The following MSRB3 variants were observed in gnomAD, a reference collection of about 807,000 sequenced individuals.
MSRB3 encodes methionine sulfoxide reductase B3.
MSRB3 carries 13 observed loss-of-function variants against 21.0 expected under a neutral mutation model. The observed-to-expected ratio is 0.62, with a 90% confidence interval of 0.40 to 0.98. The LOEUF (loss-of-function observed/expected upper bound fraction) is 0.98. Ranked by LOEUF, MSRB3 falls within the 50% of genes least tolerant of loss-of-function variation. The pLI is 0.00. For missense variants in MSRB3, 199 were observed against 230.3 expected (o/e 0.86, Z 0.88); for synonymous variants, 87 against 88.6 (o/e 0.98, Z 0.10).
intron 4 of MSRB3, among the ~76,000 whole-genome samples, chr12:65,337,643 G>T (rs921708696): frequency 1.4e-4 from 21 of 152,018 alleles, no homozygotes; most frequent in African/African-American, 5.1e-4. Context: ...AGTAAGATTT[G>T]TGAAAACTGC....
intron 1 of MSRB3, among the ~76,000 whole-genome samples, chr12:65,294,674 G>A (rs1038604252): frequency 1.6e-4 from 25 of 152,102 alleles, no homozygotes; most frequent in Non-Finnish European, 1.9e-4. Context: ...AACTTTATAT[G>A]AGACATTATT....
chr12:65,403,214 T>TC (rs1880227690), intron 5 of MSRB3, among the ~76,000 whole-genome samples: 1 of 152,186 alleles, frequency 6.6e-6, no homozygotes, highest in South Asian at 2.1e-4. Context: ...AGCAGCTCCT[T>TC]CCCCCAGGTG....
Position 65,422,428 on chromosome 12 carries a change from A to ATATATT in MSRB3, c.293-31297_293-31296insATTTAT, listed in dbSNP as rs34413074. ...TATATATATATATATATATATATAT[A>ATATATT]TATTTATTTATTTATTTATGGGGTA... On this transcript the variant is annotated intron_variant, in intron 5 of 6. Transcript: ENST00000308259. 8.7e-3 allele frequency among the ~76,000 whole-genome samples: 623 copies of ATATATT among 71,772 alleles called. 6 individuals carry two copies. Among genetic ancestry groups the ATATATT allele is most frequent in the African/African-American group, 9.5e-3 (158 of 16,610 alleles). 47.1% of individuals were successfully genotyped at this position (71,772 alleles called of 152,430 possible).
intron 4 of MSRB3, among the ~76,000 whole-genome samples, chr12:65,354,975 A>C (rs985141100): frequency 6.6e-6 from 1 of 151,828 alleles, no homozygotes. Flanking sequence ...AACTCCTTAT[A>C]ATAGGAGGGG....
chr12:65,374,658 G>A (rs943808340), intron 5 of MSRB3, among the ~76,000 whole-genome samples: 1 of 152,156 alleles, frequency 6.6e-6, no homozygotes, highest in African/African-American at 2.4e-5. Context: ...TGGTTAGGGT[G>A]TAATTTTTCT....
intron 4 of MSRB3, among the ~76,000 whole-genome samples, chr12:65,356,309 A>C (rs1877381277): frequency 6.6e-6 from 1 of 151,928 alleles, no homozygotes; most frequent in Non-Finnish European, 1.5e-5. Context: ...AAAGTAGCAA[A>C]TGTATTATTT....
At chr12:65,396,485 G>A (rs1378659831) in intron 5 of MSRB3, among the ~76,000 whole-genome samples, 3 of 152,162 alleles carry the variant, frequency 2.0e-5, no homozygotes, top group African/African-American at 7.2e-5. Flanking sequence ...GAGGTCAGGA[G>A]TTCAAGACCA....
intron 5 of MSRB3, among the ~76,000 whole-genome samples, chr12:65,371,918 A>G (rs1878351155): frequency 6.6e-6 from 1 of 152,184 alleles, no homozygotes; most frequent in Non-Finnish European, 1.5e-5. Flanking sequence ...TAATCAAAAA[A>G]TTTCAACCAT....
At chr12:65,367,385 T>C (rs182558033) in intron 4 of MSRB3, among the ~76,000 whole-genome samples, 2 of 152,026 alleles carry the variant, frequency 1.3e-5, no homozygotes, top group Non-Finnish European at 2.9e-5. Context: ...TCAAAGGAGA[T>C]GAGAGATGCA....
rs561878004 is a variant in MSRB3 at position 65,442,137 on chromosome 12, G to A, written c.293-11591G>A. ...GATTTATGAAAACAGGGAAATTCAG[G>A]TTTAGCACTTAAAATATATATAATA... On this transcript the variant is annotated intron_variant, in intron 5 of 6. Transcript: ENST00000308259. 3.3e-5 allele frequency among the ~76,000 whole-genome samples: 5 copies of A among 152,058 alleles called. No homozygotes were observed. In the East Asian group the frequency reaches 9.7e-4, roughly 29 times the overall value.
intron 4 of MSRB3, among the ~76,000 whole-genome samples, chr12:65,344,646 G>A (rs1876367800): frequency 6.6e-6 from 1 of 151,888 alleles, no homozygotes; most frequent in Non-Finnish European, 1.5e-5. Flanking sequence ...TAACAGTGAT[G>A]CTTTTTCAAT....
chr12:65,423,625 G>C (rs527295317), intron 5 of MSRB3, among the ~76,000 whole-genome samples: 1 of 152,202 alleles, frequency 6.6e-6, no homozygotes, highest in African/African-American at 2.4e-5. Flanking sequence ...CCTTCATTCT[G>C]TTAATGTGGT....
intron 4 of MSRB3, among the ~76,000 whole-genome samples, chr12:65,330,922 C>A (rs1213625272): frequency 6.6e-6 from 1 of 152,114 alleles, no homozygotes; most frequent in Admixed American, 6.5e-5. Flanking sequence ...GTATTCATAT[C>A]TTTATTCAAA....
At chr12:65,457,571 T>C (rs1425065008) in intron 6 of MSRB3, among the ~76,000 whole-genome samples, 5 of 152,172 alleles carry the variant, frequency 3.3e-5, no homozygotes, top group Non-Finnish European at 7.3e-5. Context: ...TATGGCTGCA[T>C]AGTATTCCAT....
At chr12:65,408,035 TA>T (rs2136617973) in intron 5 of MSRB3, among the ~76,000 whole-genome samples, 1 of 152,252 alleles carries the variant, frequency 6.6e-6, no homozygotes, top group East Asian at 1.9e-4. Flanking sequence ...ATCTCTGTCC[TA>T]TCTGAGTCTG....
intron 4 of MSRB3, among the ~76,000 whole-genome samples, chr12:65,362,623 T>C (rs1430188207): frequency 1.3e-5 from 2 of 152,140 alleles, no homozygotes; most frequent in Non-Finnish European, 2.9e-5. Flanking sequence ...ATTACAACTC[T>C]GATGAGTGCA....
intron 4 of MSRB3, among the ~76,000 whole-genome samples, chr12:65,340,398 A>G (rs1326642567): frequency 1.3e-5 from 2 of 152,148 alleles, no homozygotes; most frequent in Admixed American, 6.6e-5. Context: ...ACAGAAAGGG[A>G]GGGAAAAGAA....
chr12:65,366,224 A>G (rs1438224185), intron 4 of MSRB3, among the ~76,000 whole-genome samples: 1 of 152,012 alleles, frequency 6.6e-6, no homozygotes, highest in Non-Finnish European at 1.5e-5. Context: ...CCTTTTTCCC[A>G]TCTTTTAGGG....
rs1295294763 is a variant in MSRB3, at chr12:65,318,663, G to A, written c.77-8163G>A. 4.6e-5 allele frequency among the ~76,000 whole-genome samples: 7 copies of A among 152,258 alleles called. No individual in the cohort carries two copies. The East Asian group carries it at 1.3e-3, about 29-fold the overall frequency. On this transcript the variant is annotated intron_variant, in intron 2 of 6. Transcript: ENST00000308259. ...ACTGTTGTCACTTGATGATGGCAGTGCCTTTAAAAATTCTCTTCTTATTTA... is the reference window on the plus strand; with the variant it reads ...ACTGTTGTCACTTGATGATGGCAGTACCTTTAAAAATTCTCTTCTTATTTA...
Sources: allele counts gnomAD v4.1 joint callset (sites outside exome capture counted in the v4.1 genomes callset), GRCh38; gene constraint gnomAD v4.1.1; transcripts MANE v1.5; gene names NCBI Gene and HGNC (gene_info 2026-07-23, HGNC 2026-07-21).